The following KCNG3 variants were observed in gnomAD, a reference collection of about 807,000 sequenced individuals.
The protein encoded by KCNG3 is voltage-gated potassium channel regulatory subunit KCNG3.
Under a neutral mutation model 29.0 loss-of-function variants are expected in KCNG3, and 15 were observed. That is an observed-to-expected ratio of 0.52 (90% CI 0.35 to 0.80). The LOEUF (loss-of-function observed/expected upper bound fraction) is 0.80, where lower values mean the gene tolerates loss of function less well. Among genes scored for constraint, KCNG3 ranks in the 30% least tolerant of loss-of-function variants. The probability of loss-of-function intolerance (pLI) is 0.01; values close to 1 mark genes in which losing one functional copy is unlikely to be tolerated. For synonymous variants in KCNG3, 322 were observed against 248.9 expected (o/e 1.29, Z -2.76); for missense variants, 512 against 605.7 (o/e 0.85, Z 1.62).
chr2:42,477,430 T>TG (rs1483044576), intron 1 of KCNG3, among the ~76,000 whole-genome samples: 1 of 91,202 alleles, frequency 1.1e-5, no homozygotes, highest in African/African-American at 4.0e-5. Context: ...CACATATATT[T>TG]TTTTTTTTTT....
At chr2:42,401,207 T>C in the KCNG3 span, among the ~76,000 whole-genome samples, 10 of 149,796 alleles carry the variant, frequency 6.7e-5, no homozygotes, top group African/African-American at 2.4e-4. Flanking sequence ...GAAAAATATA[T>C]GTATATATAA....
At chr2:42,435,692 A>AT in the KCNG3 span, among the ~76,000 whole-genome samples, 700 of 152,330 alleles carry the variant, frequency 4.6e-3, 2 homozygotes, top group Non-Finnish European at 8.4e-3. Flanking sequence ...TCACAGGGAG[A>AT]TAACCATTTC....
the KCNG3 span, among the ~76,000 whole-genome samples, chr2:42,422,813 C>T: frequency 9.9e-5 from 15 of 152,090 alleles, no homozygotes; most frequent in African/African-American, 3.6e-4. Context: ...CTGCAAAGCC[C>T]CCATAAGCGC....
At chr2:42,466,176 T>C (rs576325683) in intron 1 of KCNG3, among the ~76,000 whole-genome samples, 40 of 152,308 alleles carry the variant, frequency 2.6e-4, no homozygotes, top group Non-Finnish European at 4.4e-4. Flanking sequence ...GAGGCCAAGA[T>C]AGGCGGATCA....
At chr2:42,423,787 C>A in the KCNG3 span, among the ~76,000 whole-genome samples, 37 of 141,308 alleles carry the variant, frequency 2.6e-4, no homozygotes, top group African/African-American at 1.0e-3. Context: ...CTCGCACAGT[C>A]GGAAATGAGG....
At chr2:42,435,427 C>G in the KCNG3 span, among the ~76,000 whole-genome samples, 15 of 152,102 alleles carry the variant, frequency 9.9e-5, no homozygotes, top group African/African-American at 3.4e-4. Context: ...AATTGGGAAA[C>G]ATCAAAATTT....
chr2:42,446,884 T>C (rs1403986275), intron 1 of KCNG3, among the ~76,000 whole-genome samples: 2 of 151,984 alleles, frequency 1.3e-5, no homozygotes, highest in Non-Finnish European at 2.9e-5. Flanking sequence ...CTTATACTTG[T>C]AATCCCAGCA....
chr2:42,472,024 T>G (rs13000412), intron 1 of KCNG3, among the ~76,000 whole-genome samples: 5 of 151,898 alleles, frequency 3.3e-5, no homozygotes, highest in Non-Finnish European at 5.9e-5. Flanking sequence ...TTCACTACTG[T>G]TAAGAATATA....
chr2:42,451,597 C>T (rs1021082671), intron 1 of KCNG3, among the ~76,000 whole-genome samples: 7 of 151,826 alleles, frequency 4.6e-5, no homozygotes, highest in East Asian at 1.9e-4. Context: ...TGGTGGTGCA[C>T]GCCTGTAATC....
At chr2:42,434,756 G>C in the KCNG3 span, among the ~76,000 whole-genome samples, 1 of 150,652 alleles carries the variant, frequency 6.6e-6, no homozygotes, top group East Asian at 2.0e-4. Flanking sequence ...TTTTGTTCTG[G>C]CATAAAAATC....
At chr2:42,467,405 C>A (rs762683538) in intron 1 of KCNG3, among the ~76,000 whole-genome samples, 1 of 152,158 alleles carries the variant, frequency 6.6e-6, no homozygotes, top group Non-Finnish European at 1.5e-5. Flanking sequence ...CAGCAACTCA[C>A]GCCTGTAATC....
At chr2:42,473,799 A>AG (rs897615190) in intron 1 of KCNG3, among the ~76,000 whole-genome samples, 1 of 152,142 alleles carries the variant, frequency 6.6e-6, no homozygotes, top group African/African-American at 2.4e-5. Context: ...CACTTATATT[A>AG]GAAAAAAAAA....
At chr2:42,454,508 T>C (rs932104506) in intron 1 of KCNG3, among the ~76,000 whole-genome samples, 8 of 152,030 alleles carry the variant, frequency 5.3e-5, no homozygotes, top group African/African-American at 1.9e-4. Context: ...GGTAAGGAGT[T>C]AAAGACCAGC....
At chr2:42,433,467 G>T in the KCNG3 span, among the ~76,000 whole-genome samples, 5 of 152,200 alleles carry the variant, frequency 3.3e-5, no homozygotes, top group Non-Finnish European at 5.9e-5. Context: ...GGCCAGGGGT[G>T]GTGGCTCATG....
At position 42,443,050 on chromosome 2, in the gene KCNG3, G is replaced by A. The variant is rs1321654423; in HGVS notation, c.*884C>T. On this transcript the variant is annotated 3_prime_UTR_variant, in exon 2 of 2. Coordinates refer to ENST00000306078, the MANE Select transcript of KCNG3 (RefSeq NM_133329.6). ...AAGTCTTATTAAACCTCTAGTGTTT[G>A]GGGGAGGAGGTTAAGAGAAGAAGAG... is the stretch of plus-strand genomic sequence containing the variant. 6.6e-6 allele frequency: 1 copy of A among 152,100 alleles called. No individual in the cohort carries two copies. Among genetic ancestry groups the A allele is most frequent in the African/African-American group, 2.4e-5 (1 of 41,428 alleles). The allele number at this position is 152,100 out of a possible 1,614,324, so 9.4% of individuals were successfully genotyped here.
At chr2:42,484,626 G>A (rs1390012997) in intron 1 of KCNG3, among the ~76,000 whole-genome samples, 1 of 152,218 alleles carries the variant, frequency 6.6e-6, no homozygotes, top group Non-Finnish European at 1.5e-5. Context: ...CAGAAACTGG[G>A]TGGTGGGATT....
At chr2:42,418,365 T>C in the KCNG3 span, among the ~76,000 whole-genome samples, 1 of 152,326 alleles carries the variant, frequency 6.6e-6, no homozygotes, top group Non-Finnish European at 1.5e-5. Flanking sequence ...GCTGGGTTGT[T>C]TTCCACATTT....
intron 1 of KCNG3, among the ~76,000 whole-genome samples, chr2:42,460,106 G>T (rs556916168): frequency 1.2e-4 from 19 of 152,268 alleles, no homozygotes; most frequent in African/African-American, 4.6e-4. Flanking sequence ...GCTTACATCT[G>T]TAATCCCAGC....
intron 1 of KCNG3, among the ~76,000 whole-genome samples, chr2:42,488,957 C>T (rs564361265): frequency 5.1e-4 from 78 of 151,966 alleles, no homozygotes; most frequent in Non-Finnish European, 9.0e-4. Context: ...GCAATTTTTG[C>T]GGTAGTGGAG....
Sources: gnomAD v4.1 joint callset for allele counts (sites outside exome capture counted in the v4.1 genomes callset) on GRCh38, gnomAD v4.1.1 for gene constraint, MANE v1.5 for transcripts, NCBI Gene and HGNC (gene_info 2026-07-23, HGNC 2026-07-21) for gene names.